SMAD3: variants seen among roughly 807,000 people sequenced by gnomAD.
SMAD3 encodes the protein MAD homolog 3.
SMAD3 carries 12 observed loss-of-function variants against 51.8 expected under a neutral mutation model. The ratio of observed to expected loss-of-function variants is 0.23; its 90% CI spans 0.15 to 0.38. SMAD3 has a LOEUF of 0.38. SMAD3 is among the 10% of genes least tolerant of loss of function. The probability of loss-of-function intolerance (pLI) is 1.00; values close to 1 mark genes in which losing one functional copy is unlikely to be tolerated. For missense variants in SMAD3, 294 were observed against 565.6 expected, an observed-to-expected ratio of 0.52 and a Z score of 4.87; for synonymous variants, 238 against 227.7, an observed-to-expected ratio of 1.05 and a Z score of -0.41.
chr15:67,183,012 TATATATATATATATATATA>T (rs1457851685), intron 6 of SMAD3, among the ~76,000 whole-genome samples: 1 of 72,900 alleles, frequency 1.4e-5, no homozygotes, highest in African/African-American at 6.7e-5. Context: ...TATATATATA[TATATATATATATATATATA>T]TTTTTTTTTT....
Position 67,181,303 on chromosome 15 carries a change from A to C in SMAD3, c.721A>C (p.Asn241His). The C allele has an allele frequency of 6.2e-7, 1 of 1,614,030 alleles. No homozygotes were observed. The highest frequency in any genetic ancestry group is 8.5e-7 in the Non-Finnish European group (1 of 1,180,020). The part of the protein sequence containing the change: ...FWCSISYYEL[N>H]QRVGETFHAS... ...GTGCTCCATCTCCTACTACGAGCTG[A>C]ACCAGCGCGTCGGGGAGACATTCCA... Residue 241 changes from asparagine (N) to histidine (H), a missense_variant, in exon 6 of 9, where the codon AAC (asparagine) becomes CAC (histidine). Asn to His is a moderately conservative substitution (Grantham distance 68). Around this residue, in one of 3 missense-constraint regions of SMAD3, gnomAD observed 118 missense variants for 278.0 expected, o/e 0.42. Transcript: ENST00000327367.
In SMAD3 at chr15:67,066,386, G is replaced by A. The variant is rs755905021; in HGVS notation, c.206+26G>A. On this transcript the variant is annotated intron_variant, in intron 1 of 8. Coordinates refer to ENST00000327367, the MANE Select transcript of SMAD3 (RefSeq NM_005902.4). ...GTGGGGGCCCGCCCGGGGGGGACCC[G>A]GGGTCACGCCGGCCCAGCCCCCTGG... The A allele has an allele frequency of 3.8e-6, 6 of 1,594,798 alleles. No individual in the cohort carries two copies. In the African/African-American group the frequency reaches 5.4e-5, roughly 14 times the overall value.
intron 1 of SMAD3, among the ~76,000 whole-genome samples, chr15:67,119,954 G>A (rs1268035030): frequency 6.6e-6 from 1 of 152,090 alleles, no homozygotes; most frequent in Non-Finnish European, 1.5e-5. Flanking sequence ...ACGCTACCAC[G>A]CCTGGCTATT....
chr15:67,139,065 C>G (rs981149252), intron 1 of SMAD3, among the ~76,000 whole-genome samples: 1 of 152,168 alleles, frequency 6.6e-6, no homozygotes, highest in Admixed American at 6.6e-5. Context: ...TATTAGCTCT[C>G]CGTTGCCCCA....
chr15:67,102,202 G>T (rs1056702191), intron 1 of SMAD3, among the ~76,000 whole-genome samples: 3 of 151,344 alleles, frequency 2.0e-5, no homozygotes, highest in Non-Finnish European at 4.4e-5. Context: ...CCTGCCTCGA[G>T]GCCCACCATG....
At chr15:67,067,471 G>T (rs1453040289) in intron 1 of SMAD3, among the ~76,000 whole-genome samples, 1 of 152,024 alleles carries the variant, frequency 6.6e-6, no homozygotes, top group Non-Finnish European at 1.5e-5. Flanking sequence ...TGGCTCTTTT[G>T]GGGGTCCCAG....
rs1256444127 is a variant in SMAD3, at chr15:67,184,838, C to T, written c.983C>T (p.Pro328Leu). 1.9e-6 allele frequency: 3 copies of T among 1,613,312 alleles called. No individual in the cohort carries two copies. The highest frequency in any genetic ancestry group is 1.7e-5 in the Admixed American group (1 of 60,024). ...TGTAACCAGCGCTATGGCTGGCACC[C>T]GGCCACCGTCTGCAAGATCCCACCA... ...PNCNQRYGWHPATVCKIPPGC... is the reference protein window; with the variant it reads ...PNCNQRYGWHLATVCKIPPGC... Residue 328 changes from proline to leucine, a missense_variant, in exon 7 of 9, where the codon CCG becomes CTG. Pro to Leu is a moderately conservative substitution (Grantham distance 98). This residue lies in a region of SMAD3 where 118 missense variants were observed against 278.0 expected (regional missense o/e 0.42). Transcript: ENST00000327367.
intron 1 of SMAD3, among the ~76,000 whole-genome samples, chr15:67,101,041 TGAGGCTCAG>T (rs1960743983): frequency 6.6e-6 from 1 of 152,210 alleles, no homozygotes; most frequent in Non-Finnish European, 1.5e-5. Flanking sequence ...CACCCTGAGG[TGAGGCTCAG>T]GAGGCTCTGG....
chr15:67,115,968 G>GTAGAGAGACTTCTA (rs1961126362), intron 1 of SMAD3, among the ~76,000 whole-genome samples: 1 of 152,186 alleles, frequency 6.6e-6, no homozygotes, highest in Non-Finnish European at 1.5e-5. Context: ...CTGGACTTCT[G>GTAGAGAGACTTCTA]TAGAGAGACT....
rs1963422745 is a variant in SMAD3, at chr15:67,193,612, G to A, written c.*3076G>A. On this transcript the variant is annotated 3_prime_UTR_variant, in exon 9 of 9. Transcript: ENST00000327367. ...ACAAGCCTAGAGGAGTCAGGAGCAG[G>A]GACTTTGACTCTTAGGAAGAGCACA... 1 of 233,408 alleles carries A rather than the reference G, an allele frequency of 4.3e-6. No homozygotes were observed. Among genetic ancestry groups the A allele is most frequent in the African/African-American group, 2.2e-5 (1 of 45,254 alleles). 14.5% of individuals were successfully genotyped at this position (233,408 alleles called of 1,614,324 possible).
chr15:67,113,758 A>G (rs182236257), intron 1 of SMAD3, among the ~76,000 whole-genome samples: 2 of 152,362 alleles, frequency 1.3e-5, no homozygotes, highest in African/African-American at 4.8e-5. Context: ...CATAGATCCT[A>G]GGAACCTGAG....
chr15:67,170,288 T>A (rs969195841), intron 4 of SMAD3, among the ~76,000 whole-genome samples: 2 of 152,172 alleles, frequency 1.3e-5, no homozygotes, highest in Non-Finnish European at 2.9e-5. Context: ...GTTAGGATCA[T>A]AAAACTATCT....
rs200703402 is a variant in SMAD3, at chr15:67,181,483, C to G, written c.871+30C>G. The G allele has an allele frequency of 1.2e-4, 187 of 1,507,936 alleles. 3 individuals are homozygous for G. The Admixed American group carries it at 2.1e-3, about 17-fold the overall frequency. The allele number at this position is 1,507,936 out of a possible 1,614,324, so 93.4% of individuals were successfully genotyped here. A position where few individuals can be genotyped will look rare whatever the true frequency, so the allele number is the denominator to read the frequency against. On this transcript the variant is annotated intron_variant, in intron 6 of 8. Transcript: ENST00000327367. Reference sequence around the variant, plus strand: ...GGGGTGGCTCCATTCCCCGCCCCCCCACCCTGCCCCTGCCACTCTATCCCA... The same window carrying G: ...GGGGTGGCTCCATTCCCCGCCCCCCGACCCTGCCCCTGCCACTCTATCCCA...
intron 1 of SMAD3, among the ~76,000 whole-genome samples, chr15:67,130,392 C>G (rs922997246): frequency 1.3e-5 from 2 of 152,158 alleles, no homozygotes; most frequent in African/African-American, 4.8e-5. Flanking sequence ...AACCGGGTCT[C>G]GTAGTAGTAG....
chr15:67,173,167 A>T (rs913963459), intron 5 of SMAD3, among the ~76,000 whole-genome samples: 3 of 152,196 alleles, frequency 2.0e-5, no homozygotes, highest in Admixed American at 2.0e-4. Flanking sequence ...CTCTGTATCC[A>T]TGCGCTCAGT....
At chr15:67,141,761 C>A (rs150812443) in intron 1 of SMAD3, among the ~76,000 whole-genome samples, 1 of 152,122 alleles carries the variant, frequency 6.6e-6, no homozygotes, top group Non-Finnish European at 1.5e-5. Flanking sequence ...GAGTCCACCC[C>A]CCATACACCC....
intron 1 of SMAD3, among the ~76,000 whole-genome samples, chr15:67,118,304 T>G (rs1243234363): frequency 6.6e-6 from 1 of 152,200 alleles, no homozygotes; most frequent in Non-Finnish European, 1.5e-5. Context: ...GTGGCATAAG[T>G]AAAGATATGG....
chr15:67,128,670 C>T (rs1017501734), intron 1 of SMAD3, among the ~76,000 whole-genome samples: 8 of 152,168 alleles, frequency 5.3e-5, no homozygotes, highest in Admixed American at 2.0e-4. Flanking sequence ...CCTCTGGGCT[C>T]AAGAGATCGT....
At chr15:67,181,553 G>C in intron 6 of SMAD3, 100 bp downstream of exon 6, 1 of 1,006,860 alleles carries the variant, frequency 9.9e-7, no homozygotes, top group South Asian at 1.4e-5. Context: ...AGGGAACCTT[G>C]CGTCCATCCT....
Sources: gnomAD v4.1 joint callset for allele counts (sites outside exome capture counted in the v4.1 genomes callset) on GRCh38, gnomAD v4.1.1 for gene constraint, gnomAD v4.1.1 regional missense constraint, MANE v1.5 for transcripts, NCBI Gene and HGNC (gene_info 2026-07-23, HGNC 2026-07-21) for gene names.